GRID2: variants seen among roughly 807,000 people sequenced by gnomAD.
The protein encoded by GRID2 is glutamate receptor ionotropic, delta-2.
A neutral mutation model predicts 114.8 loss-of-function variants in GRID2; 33 were observed. That is an observed-to-expected ratio of 0.29 (90% confidence interval 0.22 to 0.38). The LOEUF (loss-of-function observed/expected upper bound fraction) is 0.38. GRID2 is among the 10% of genes least tolerant of loss of function. The pLI is 1.00. For synonymous variants in GRID2, 505 were observed against 449.9 expected, an observed-to-expected ratio of 1.12 and a Z score of -1.55; for missense variants, 1,184 against 1,257.7, an observed-to-expected ratio of 0.94 and a Z score of 0.89.
intron 8 of GRID2, among the ~76,000 whole-genome samples, chr4:93,253,065 C>T (rs923142026): frequency 3.8e-4 from 57 of 148,484 alleles, no homozygotes; most frequent in African/African-American, 1.4e-3. Context: ...CTGGCTAACA[C>T]GGTGAAACCC....
intron 4 of GRID2, among the ~76,000 whole-genome samples, chr4:93,206,013 A>G (rs1017405451): frequency 1.3e-5 from 2 of 152,098 alleles, no homozygotes; most frequent in Non-Finnish European, 2.9e-5. Context: ...TGGCATGTGT[A>G]TACATATGTA....
At chr4:92,470,464 T>G (rs114748746) in intron 1 of GRID2, among the ~76,000 whole-genome samples, 1,555 of 152,102 alleles carry the variant, frequency 0.01, 27 homozygotes, top group African/African-American at 0.036. Flanking sequence ...AAAATATGCA[T>G]TCTTTCATTT....
At chr4:93,279,186 C>A (rs1752388479) in intron 8 of GRID2, among the ~76,000 whole-genome samples, 1 of 151,440 alleles carries the variant, frequency 6.6e-6, no homozygotes, top group Admixed American at 6.6e-5. Flanking sequence ...TATATGGCAT[C>A]TTGAGTTTGT....
intron 1 of GRID2, among the ~76,000 whole-genome samples, chr4:92,572,067 A>G (rs1727652286): frequency 1.3e-5 from 2 of 152,104 alleles, no homozygotes; most frequent in Middle Eastern, 3.4e-3. Flanking sequence ...GACACAAAAA[A>G]CCCTTCAAAA....
Position 93,110,861 on chromosome 4 carries a change from A to G in GRID2, c.643A>G (p.Met215Val). The G allele has an allele frequency of 6.2e-7, 1 of 1,611,692 alleles. No homozygotes were observed. ...NKMITTLFDT[M>V]RIEELNRYRD... is the part of the protein sequence containing the mutation. Reference sequence around the variant, plus strand: ...AATGATTACCACTCTCTTTGACACCATGAGAATAGAAGAACTGAATCGCTA... The same window carrying G: ...AATGATTACCACTCTCTTTGACACCGTGAGAATAGAAGAACTGAATCGCTA... The change falls in exon 4 of 16, where the codon ATG becomes GTG. Residue 215 changes from methionine to valine, a missense_variant. By Grantham distance (21) the Met-to-Val change is conservative (BLOSUM62 1). Around this residue, in one of 3 missense-constraint regions of GRID2, gnomAD observed 455 missense variants for 429.5 expected, o/e 1.06. Transcript: ENST00000282020.
chr4:93,743,274 A>T (rs556500393), intron 14 of GRID2, among the ~76,000 whole-genome samples: 11 of 152,346 alleles, frequency 7.2e-5, no homozygotes, highest in Admixed American at 5.9e-4. Flanking sequence ...ATAAAGTTAA[A>T]GAAAAGAAGC....
intron 14 of GRID2, among the ~76,000 whole-genome samples, chr4:93,762,950 A>T (rs1480817373): frequency 6.6e-6 from 1 of 152,140 alleles, no homozygotes. Flanking sequence ...GCTCAGAAGG[A>T]TGTAGAGCAC....
At chr4:92,843,585 A>T (rs533509663) in intron 2 of GRID2, among the ~76,000 whole-genome samples, 17 of 152,228 alleles carry the variant, frequency 1.1e-4, no homozygotes, top group African/African-American at 3.6e-4. Context: ...ATACAATATC[A>T]TGAGAAGATA....
chr4:92,802,304 C>A (rs1740211282), intron 2 of GRID2, among the ~76,000 whole-genome samples: 1 of 151,852 alleles, frequency 6.6e-6, no homozygotes, highest in Non-Finnish European at 1.5e-5. Context: ...ATTATTATCA[C>A]ACAATTCCAT....
chr4:92,560,619 G>T (rs1365161128), intron 1 of GRID2, among the ~76,000 whole-genome samples: 2 of 143,376 alleles, frequency 1.4e-5, no homozygotes. Context: ...CCATTTATCT[G>T]CCTGGAACAT....
chr4:92,821,461 G>GT (rs1185259280), intron 2 of GRID2, among the ~76,000 whole-genome samples: 4 of 151,264 alleles, frequency 2.6e-5, no homozygotes, highest in Non-Finnish European at 4.4e-5. Context: ...GTAGCTGTTT[G>GT]TTTTTTTTAA....
chr4:93,041,473 C>G (rs1237692174), intron 2 of GRID2, among the ~76,000 whole-genome samples: 1 of 152,132 alleles, frequency 6.6e-6, no homozygotes, highest in East Asian at 1.9e-4. Context: ...TGAAAGTTGA[C>G]ATTTCAGATT....
At chr4:92,625,820 G>T (rs1306370035) in intron 2 of GRID2, among the ~76,000 whole-genome samples, 1 of 151,766 alleles carries the variant, frequency 6.6e-6, no homozygotes, top group Non-Finnish European at 1.5e-5. Flanking sequence ...ATCTGTTGGA[G>T]GAATGTTTGA....
At chr4:92,825,379 G>A (rs909759685) in intron 2 of GRID2, among the ~76,000 whole-genome samples, 1 of 152,118 alleles carries the variant, frequency 6.6e-6, no homozygotes, top group Non-Finnish European at 1.5e-5. Context: ...AACATAAGCA[G>A]CAGCTCTGCT....
chr4:92,472,971 T>G (rs1722117311), intron 1 of GRID2, among the ~76,000 whole-genome samples: 1 of 152,080 alleles, frequency 6.6e-6, no homozygotes, highest in Non-Finnish European at 1.5e-5. Context: ...CTATAAAATT[T>G]TTACCTATCC....
chr4:92,689,673 C>T (rs1462464551), intron 2 of GRID2, among the ~76,000 whole-genome samples: 1 of 152,228 alleles, frequency 6.6e-6, no homozygotes, highest in Non-Finnish European at 1.5e-5. Context: ...ACCCCCACCC[C>T]CATCTTTAGA....
At chr4:92,846,824 C>T (rs553312316) in intron 2 of GRID2, among the ~76,000 whole-genome samples, 2 of 152,178 alleles carry the variant, frequency 1.3e-5, no homozygotes, top group Admixed American at 1.3e-4. Context: ...GTGTGCCTTA[C>T]ATGTATTTAG....
At chr4:93,128,518 C>G (rs945051818) in intron 4 of GRID2, among the ~76,000 whole-genome samples, 5 of 152,042 alleles carry the variant, frequency 3.3e-5, no homozygotes, top group African/African-American at 7.2e-5. Flanking sequence ...ATTTTCAGAA[C>G]AAAAGAGAAA....
At chr4:93,250,660 T>C (rs1748785520) in intron 8 of GRID2, among the ~76,000 whole-genome samples, 1 of 143,708 alleles carries the variant, frequency 7.0e-6, no homozygotes, top group African/African-American at 2.7e-5. Context: ...ATATATTTTA[T>C]ATATTTATAT....
Sources: gnomAD v4.1 joint callset for allele counts (sites outside exome capture counted in the v4.1 genomes callset) on GRCh38, gnomAD v4.1.1 for gene constraint, gnomAD v4.1.1 regional missense constraint, MANE v1.5 for transcripts, NCBI Gene and HGNC (gene_info 2026-07-23, HGNC 2026-07-21) for gene names.